Variants in MAP4K3 observed in about 807,000 individuals in gnomAD.
The protein encoded by MAP4K3 is MAPK/ERK kinase kinase kinase 3.
MAP4K3 carries 94 observed loss-of-function variants against 143.5 expected under a neutral mutation model. The observed-to-expected ratio is 0.65, with a 90% CI of 0.55 to 0.78. The LOEUF (loss-of-function observed/expected upper bound fraction) is 0.78, where lower values mean the gene tolerates loss of function less well. Ranked by LOEUF, MAP4K3 falls within the 30% of genes least tolerant of loss-of-function variation. The probability of loss-of-function intolerance (pLI) is 0.00; values close to 1 mark genes in which losing one functional copy is unlikely to be tolerated. For missense variants in MAP4K3, 1,077 were observed against 1,068.1 expected (o/e 1.01, Z -0.12); for synonymous variants, 416 against 347.2 (o/e 1.20, Z -2.20).
intron 29 of MAP4K3, among the ~76,000 whole-genome samples, chr2:39,260,166 T>C (rs1198669993): frequency 1.3e-5 from 2 of 152,132 alleles, no homozygotes; most frequent in Non-Finnish European, 2.9e-5. Context: ...CAGGGTGGAG[T>C]ACAATGGTGC....
chr2:39,386,081 G>A (rs552104507), intron 1 of MAP4K3, among the ~76,000 whole-genome samples: 12 of 152,272 alleles, frequency 7.9e-5, no homozygotes, highest in African/African-American at 2.9e-4. Flanking sequence ...TCAGAGGAAG[G>A]GCATTTGAAG....
Position 39,406,800 on chromosome 2 carries a change from T to G in MAP4K3, c.97-28677A>C, listed in dbSNP as rs114979499. ...AATCATCTGAAGGTATAAAACTCACTGGTAACAGTACACAGAAAAACAGAA... is the reference window on the plus strand; with the variant it reads ...AATCATCTGAAGGTATAAAACTCACGGGTAACAGTACACAGAAAAACAGAA... On this transcript the variant is annotated intron_variant, in intron 1 of 33. Coordinates refer to ENST00000263881, the MANE Select transcript of MAP4K3 (RefSeq NM_003618.4). Among the ~76,000 whole-genome samples the G allele has an allele frequency of 3.1e-3, 470 of 152,280 alleles. 3 individuals are homozygous for G. The highest frequency in any genetic ancestry group is 0.011 in the African/African-American group (451 of 41,554).
intron 2 of MAP4K3, among the ~76,000 whole-genome samples, chr2:39,368,323 A>G (rs1161608871): frequency 6.6e-6 from 1 of 152,120 alleles, no homozygotes; most frequent in East Asian, 1.9e-4. Context: ...AATGGGCAAA[A>G]AATTTTCTGT....
intron 24 of MAP4K3, among the ~76,000 whole-genome samples, chr2:39,274,120 C>T (rs1258408148): frequency 2.0e-5 from 3 of 151,968 alleles, no homozygotes; most frequent in Non-Finnish European, 2.9e-5. Flanking sequence ...AGACAAGACA[C>T]AAATTCCTTT....
intron 24 of MAP4K3, among the ~76,000 whole-genome samples, chr2:39,275,922 G>C (rs1162606986): frequency 6.6e-6 from 1 of 152,002 alleles, no homozygotes; most frequent in African/African-American, 2.4e-5. Flanking sequence ...GCCCAGGCTG[G>C]AGTGCAGTGG....
intron 12 of MAP4K3, among the ~76,000 whole-genome samples, chr2:39,321,813 T>C (rs905469915): frequency 6.6e-6 from 1 of 152,224 alleles, no homozygotes; most frequent in African/African-American, 2.4e-5. Context: ...TGTATGCATA[T>C]CTAAAAGCAC....
In MAP4K3 at chr2:39,337,093, T is replaced by C. The variant is rs541941367; in HGVS notation, c.367-126A>G. 2.8e-4 allele frequency: 135 copies of C among 480,432 alleles called. 1 individual carries two copies. The highest frequency in any genetic ancestry group is 2.5e-3 in the South Asian group (83 of 33,086). 29.8% of individuals were successfully genotyped at this position (480,432 alleles called of 1,614,324 possible). On this transcript the variant is annotated intron_variant, in intron 5 of 33. Coordinates refer to ENST00000263881, the MANE Select transcript of MAP4K3 (RefSeq NM_003618.4). ...ATCTTTACAGGAGATCTAGTACTAA[T>C]CATTAACATATTTTAATGAGATATC...
At chr2:39,310,738 A>T (rs1435608271) in intron 13 of MAP4K3, among the ~76,000 whole-genome samples, 4 of 152,124 alleles carry the variant, frequency 2.6e-5, no homozygotes, top group Admixed American at 6.6e-5. Flanking sequence ...CTGCATTTTC[A>T]CCAGCATGTG....
intron 3 of MAP4K3, among the ~76,000 whole-genome samples, chr2:39,347,916 C>T (rs1297006458): frequency 6.6e-6 from 1 of 151,956 alleles, no homozygotes; most frequent in Non-Finnish European, 1.5e-5. Flanking sequence ...TCTGTATTTT[C>T]TGGAAACCAA....
At chr2:39,279,384 C>T (rs1681415406) in intron 23 of MAP4K3, among the ~76,000 whole-genome samples, 1 of 152,160 alleles carries the variant, frequency 6.6e-6, no homozygotes, top group Non-Finnish European at 1.5e-5. Flanking sequence ...TCTCTGAGTG[C>T]CAATTTCCTT....
chr2:39,308,167 T>C (rs144435472), intron 14 of MAP4K3, among the ~76,000 whole-genome samples, 162 bp from the exon 15 acceptor site: 1 of 152,196 alleles, frequency 6.6e-6, no homozygotes, highest in South Asian at 2.1e-4. Context: ...AAAAGCAACA[T>C]TGCAACAACT....
chr2:39,384,252 C>G (rs909750916), intron 1 of MAP4K3, among the ~76,000 whole-genome samples: 1 of 152,076 alleles, frequency 6.6e-6, no homozygotes, highest in African/African-American at 2.4e-5. Context: ...GTCGGCCGGG[C>G]ATGGTGGCTC....
At chr2:39,306,887 T>C (rs943780215) in intron 15 of MAP4K3, among the ~76,000 whole-genome samples, 1 of 152,208 alleles carries the variant, frequency 6.6e-6, no homozygotes, top group Non-Finnish European at 1.5e-5. Flanking sequence ...GTACCTATTG[T>C]ATGTTAGCTT....
Position 39,279,833 on chromosome 2 carries a change from G to A in MAP4K3, c.1714+439C>T, listed in dbSNP as rs548368489. On this transcript the variant is annotated intron_variant, in intron 23 of 33. Transcript: ENST00000263881. ...CTAGGAATGGTGGCATGTGCCTCCA[G>A]TCCTAGCTACTCGGGTGGCTGAGGC... is the stretch of plus-strand genomic sequence containing the variant. 4.6e-5 allele frequency among the ~76,000 whole-genome samples: 7 copies of A among 152,112 alleles called. No homozygotes were observed. The South Asian group carries it at 1.0e-3, about 23-fold the overall frequency.
chr2:39,423,703 T>C (rs945522316), intron 1 of MAP4K3, among the ~76,000 whole-genome samples: 2 of 152,200 alleles, frequency 1.3e-5, no homozygotes, highest in African/African-American at 4.8e-5. Context: ...TATATGACAT[T>C]CTGGAAAAGA....
intron 1 of MAP4K3, among the ~76,000 whole-genome samples, chr2:39,380,603 G>A (rs1177001110): frequency 6.6e-6 from 1 of 152,064 alleles, no homozygotes; most frequent in African/African-American, 2.4e-5. Flanking sequence ...GCAGAAAACA[G>A]GATAAAATAT....
intron 18 of MAP4K3, among the ~76,000 whole-genome samples, chr2:39,291,769 C>A (rs1682056291): frequency 6.6e-6 from 1 of 152,006 alleles, no homozygotes; most frequent in African/African-American, 2.4e-5. Context: ...CCCAGCTACT[C>A]AGGAGGCTGA....
intron 8 of MAP4K3, among the ~76,000 whole-genome samples, chr2:39,327,278 T>C (rs1275599402): frequency 1.3e-5 from 2 of 152,212 alleles, no homozygotes; most frequent in Non-Finnish European, 2.9e-5. Flanking sequence ...TAAAAACTTA[T>C]TTGGCATTTT....
rs551922889 is a variant in MAP4K3 at position 39,258,520 on chromosome 2, G to A, written c.2376C>T (p.Asp792=). The change falls in exon 30 of 34, where the codon GAC becomes GAT. Residue 792 remains aspartate (D), a splice_region_variant and synonymous_variant. Coordinates refer to ENST00000263881, the MANE Select transcript of MAP4K3 (RefSeq NM_003618.4). ...LERDTILVCL[D]CCIKIVNLQG... ...AGACATTCATAAATAAAAACTTACA[G>A]TCCAAGCATACAAGGATGGTATCTC... The A allele has an allele frequency of 6.2e-7, 1 of 1,612,654 alleles. No homozygotes were observed. The highest frequency in any genetic ancestry group is 1.7e-5 in the Admixed American group (1 of 60,002).
Sources: allele counts gnomAD v4.1 joint callset (sites outside exome capture counted in the v4.1 genomes callset), GRCh38; gene constraint gnomAD v4.1.1; transcripts MANE v1.5; gene names NCBI Gene and HGNC (gene_info 2026-07-23, HGNC 2026-07-21).